Variants in TSNAX observed in about 807,000 individuals in gnomAD.
The protein encoded by TSNAX is translin-associated protein X.
In TSNAX, 12 loss-of-function variants were observed where a neutral mutation model predicts 33.0. The ratio of observed to expected loss-of-function variants is 0.36; its 90% CI spans 0.23 to 0.59. The LOEUF (loss-of-function observed/expected upper bound fraction) is 0.59. Among genes scored for constraint, TSNAX ranks in the 20% least tolerant of loss-of-function variants. The pLI is 0.74. For missense variants in TSNAX, 267 were observed against 341.3 expected (o/e 0.78, Z 1.72); for synonymous variants, 110 against 117.2 (o/e 0.94, Z 0.40).
chr1:231,540,120 C>T (rs55922427), intron 3 of TSNAX, among the ~76,000 whole-genome samples: 1 of 142,782 alleles, frequency 7.0e-6, no homozygotes, highest in Non-Finnish European at 1.5e-5. Flanking sequence ...GTTGCTTGAA[C>T]TCAGAATTGT....
At chr1:231,537,172 A>T (rs1659237245) in intron 2 of TSNAX, 41 bp from the exon 3 acceptor site, 1 of 1,426,226 alleles carries the variant, frequency 7.0e-7, no homozygotes, top group Non-Finnish European at 9.7e-7. Flanking sequence ...GTAGGCTTTG[A>T]GTATAGAATA....
intron 2 of TSNAX, chr1:231,534,396 A>G (rs1173798354): frequency 6.6e-6 from 1 of 152,194 alleles, no homozygotes; most frequent in Non-Finnish European, 1.5e-5. Flanking sequence ...AGACCAGACA[A>G]GAGACTATTT....
At chr1:231,560,418 CTTT>C (rs1211906310) in intron 4 of TSNAX, among the ~76,000 whole-genome samples, 1 of 73,112 alleles carries the variant, frequency 1.4e-5, no homozygotes, top group Non-Finnish European at 2.6e-5. Flanking sequence ...CCCCCCCCCC[CTTT>C]TTTTTTTTTT....
Position 231,564,561 on chromosome 1 carries a change from A to G in TSNAX, c.529A>G (p.Thr177Ala). The part of the protein sequence containing the change: ...SSDAQDKQFG[T>A]WRLRVTPVDY... ...TGATGCACAGGATAAGCAGTTTGGTACTTGGAGACTGAGAGTCACACCTGT... is the reference window on the plus strand; with the variant it reads ...TGATGCACAGGATAAGCAGTTTGGTGCTTGGAGACTGAGAGTCACACCTGT... The change falls in exon 6 of 6, where the codon ACT becomes GCT. Residue 177 changes from threonine to alanine, a missense_variant. Physicochemically the swap from Thr to Ala is moderately conservative, Grantham distance 58. Transcript: ENST00000366639. 3.1e-6 allele frequency: 5 copies of G among 1,613,942 alleles called. No individual in the cohort carries two copies. Among genetic ancestry groups the G allele is most frequent in the Non-Finnish European group, 4.2e-6 (5 of 1,179,976 alleles).
intron 3 of TSNAX, among the ~76,000 whole-genome samples, chr1:231,541,737 A>G (rs772058736): frequency 6.9e-4 from 105 of 152,168 alleles, no homozygotes; most frequent in Admixed American, 1.1e-3. Context: ...TGATAAATCA[A>G]TTCTTTCCGG....
chr1:231,549,168 G>T (rs528461568), intron 4 of TSNAX, among the ~76,000 whole-genome samples: 1 of 152,184 alleles, frequency 6.6e-6, no homozygotes, highest in Non-Finnish European at 1.5e-5. Context: ...ATTTAAGAAT[G>T]ACTCTGATGG....
At chr1:231,540,735 T>A (rs904754180) in intron 3 of TSNAX, among the ~76,000 whole-genome samples, 2 of 152,236 alleles carry the variant, frequency 1.3e-5, no homozygotes, top group African/African-American at 2.4e-5. Context: ...GGGTGACCTC[T>A]CTTGACGATA....
At chr1:231,540,423 A>G (rs369260174) in intron 3 of TSNAX, among the ~76,000 whole-genome samples, 52 of 152,316 alleles carry the variant, frequency 3.4e-4, no homozygotes, top group African/African-American at 1.1e-3. Flanking sequence ...TAATTTAAGT[A>G]TGTTATTTTG....
chr1:231,529,042 G>A (rs1658466975), intron 1 of TSNAX, among the ~76,000 whole-genome samples: 1 of 152,122 alleles, frequency 6.6e-6, no homozygotes, highest in Non-Finnish European at 1.5e-5. Flanking sequence ...TTCAGTAATT[G>A]CTGTAATGCC....
In TSNAX at chr1:231,528,704, C is replaced by T. The variant is rs1427454880; in HGVS notation, c.-107C>T. The T allele has an allele frequency of 2.2e-6, 3 of 1,340,730 alleles. No homozygotes were observed. The highest frequency in any genetic ancestry group is 4.7e-5 in the East Asian group (2 of 42,422). 83.1% of individuals were successfully genotyped at this position (1,340,730 alleles called of 1,614,324 possible). A position where few individuals can be genotyped will look rare whatever the true frequency, so the allele number is the denominator to read the frequency against. ...CGTTGTAGTCGGCCCGGCTGCAAAG[C>T]GTTTTTCTGCAGGCTGTTTTCCCAG... On this transcript the variant is annotated 5_prime_UTR_variant, in exon 1 of 6. Transcript: ENST00000366639.
At chr1:231,540,027 A>G (rs1008258351) in intron 3 of TSNAX, among the ~76,000 whole-genome samples, 2 of 152,068 alleles carry the variant, frequency 1.3e-5, no homozygotes, top group Non-Finnish European at 2.9e-5. Context: ...TCTACTGAAA[A>G]TATAAAAATT....
intron 4 of TSNAX, among the ~76,000 whole-genome samples, chr1:231,543,248 G>T (rs551504974): frequency 6.6e-6 from 1 of 151,726 alleles, no homozygotes; most frequent in Non-Finnish European, 1.5e-5. Flanking sequence ...TTGAATAAAT[G>T]TATAAAGTGC....
At chr1:231,564,499 G>A (rs552334167) in intron 5 of TSNAX, 29 bp from the exon 6 acceptor site, 5 of 1,491,014 alleles carry the variant, frequency 3.4e-6, no homozygotes, top group Non-Finnish European at 4.6e-6. Flanking sequence ...GTGTGTGTGT[G>A]TTTTTGTTTT....
intron 3 of TSNAX, among the ~76,000 whole-genome samples, chr1:231,538,392 T>C (rs1659330861): frequency 6.6e-6 from 1 of 152,208 alleles, no homozygotes; most frequent in Admixed American, 6.5e-5. Context: ...ATAGCAGACT[T>C]CAGAAAAATT....
chr1:231,535,138 T>G (rs2124884565), intron 2 of TSNAX: 1 of 152,016 alleles, frequency 6.6e-6, no homozygotes, highest in East Asian at 1.9e-4. Flanking sequence ...CAGTTTAATG[T>G]GTTAGAGGCA....
At chr1:231,547,852 T>C (rs1020901462) in intron 4 of TSNAX, among the ~76,000 whole-genome samples, 10 of 149,810 alleles carry the variant, frequency 6.7e-5, no homozygotes, top group Non-Finnish European at 1.2e-4. Context: ...TTTTTTTTTT[T>C]TTTTTTTTGA....
At chr1:231,557,320 A>T (rs1339335918) in intron 4 of TSNAX, among the ~76,000 whole-genome samples, 1 of 152,158 alleles carries the variant, frequency 6.6e-6, no homozygotes, top group African/African-American at 2.4e-5. Flanking sequence ...AAAAGTGGGA[A>T]ATCAGGAGAT....
rs573985397 is a variant in TSNAX, at chr1:231,535,005, A to G, written c.122-2208A>G. 3.3e-5 allele frequency: 5 copies of G among 152,342 alleles called. 1 individual carries two copies. The highest frequency in any genetic ancestry group is 1.2e-4 in the African/African-American group (5 of 41,574). The allele number at this position is 152,342 out of a possible 1,614,324, so 9.4% of individuals were successfully genotyped here. ...AATGATATCTGAATGATGAAAGTGA[A>G]ATGTGAGATGATGAGAGGCAGTAGC... is the stretch of plus-strand genomic sequence containing the variant. On this transcript the variant is annotated intron_variant, in intron 2 of 5. Transcript: ENST00000366639.
chr1:231,535,242 A>G (rs1033888453), intron 2 of TSNAX: 1 of 152,218 alleles, frequency 6.6e-6, no homozygotes, highest in African/African-American at 2.4e-5. Flanking sequence ...GTACTGTTTT[A>G]TTAAATGTTA....
Sources: gnomAD v4.1 joint callset for allele counts (sites outside exome capture counted in the v4.1 genomes callset) on GRCh38, gnomAD v4.1.1 for gene constraint, MANE v1.5 for transcripts, NCBI Gene and HGNC (gene_info 2026-07-23, HGNC 2026-07-21) for gene names.